SLC2A9: variants seen among roughly 807,000 people sequenced by gnomAD.
SLC2A9 encodes solute carrier family 2 member 9.
SLC2A9 carries 39 observed loss-of-function variants against 50.6 expected under a neutral mutation model. That is an observed-to-expected ratio of 0.77 (90% CI 0.60 to 1.01). The LOEUF is 1.01. SLC2A9 is among the 50% of genes least tolerant of loss of function. The pLI is 0.00. For synonymous variants in SLC2A9, 324 were observed against 276.9 expected, an observed-to-expected ratio of 1.17 and a Z score of -1.69; for missense variants, 686 against 677.6, an observed-to-expected ratio of 1.01 and a Z score of -0.14.
chr4:9,839,263 G>A (rs1208647747), intron 10 of SLC2A9, among the ~76,000 whole-genome samples: 1 of 152,124 alleles, frequency 6.6e-6, no homozygotes, highest in Non-Finnish European at 1.5e-5. Flanking sequence ...TTAGAGAAAT[G>A]TAAATCAAAA....
chr4:9,879,518 G>A (rs1734855758), intron 10 of SLC2A9: 10 of 985,174 alleles, frequency 1.0e-5, no homozygotes, highest in Non-Finnish European at 1.2e-5. Flanking sequence ...CATAGGTTCT[G>A]TCAAATGCTG....
chr4:9,870,616 T>A (rs530539233), intron 10 of SLC2A9, among the ~76,000 whole-genome samples: 40 of 152,310 alleles, frequency 2.6e-4, no homozygotes, highest in African/African-American at 9.6e-4. Context: ...CGCATTCAAG[T>A]TTCAGGCGAT....
intron 2 of SLC2A9, among the ~76,000 whole-genome samples, chr4:9,998,264 G>T (rs1297749288): frequency 2.6e-5 from 4 of 152,170 alleles, no homozygotes; most frequent in Middle Eastern, 3.2e-3. Context: ...GCAAACCTCA[G>T]CTGAGCCAGT....
At chr4:9,813,871 G>A (rs181158532) in intron 3 of SLC2A9, among the ~76,000 whole-genome samples, 2 of 152,096 alleles carry the variant, frequency 1.3e-5, no homozygotes, top group Non-Finnish European at 2.9e-5. Flanking sequence ...TGAGGCAGGT[G>A]GATCACTTGA....
At chr4:9,796,494 G>A (rs1720612293), downstream of SLC2A9, among the ~76,000 whole-genome samples, 1 of 152,232 alleles carries the variant, frequency 6.6e-6, no homozygotes. Flanking sequence ...ATGCAGTGCT[G>A]TAAGGATTAG....
chr4:9,890,722 G>T lies in SLC2A9; in HGVS notation c.1114-11C>A, dbSNP rs578175283. ...CTCAATGACCAAACCCTAGTCCAGG[G>T]TAAAAGAGAGAGAGAGAGCTATTAT... On this transcript the variant is annotated splice_polypyrimidine_tract_variant and intron_variant, in intron 8 of 11. Coordinates refer to ENST00000264784, the MANE Select transcript of SLC2A9 (RefSeq NM_020041.3). 1 of 1,607,146 alleles carries T rather than the reference G, an allele frequency of 6.2e-7. No individual in the cohort carries two copies. The highest frequency in any genetic ancestry group is 1.3e-5 in the African/African-American group (1 of 74,862).
chr4:9,952,801 C>T (rs1750555237), intron 5 of SLC2A9, among the ~76,000 whole-genome samples: 1 of 152,138 alleles, frequency 6.6e-6, no homozygotes, highest in South Asian at 2.1e-4. Context: ...CTGGGATTAC[C>T]GGCGTGAGTC....
intron 3 of SLC2A9, among the ~76,000 whole-genome samples, chr4:9,986,534 G>A (rs1302792911): frequency 1.3e-5 from 2 of 152,208 alleles, no homozygotes; most frequent in Admixed American, 6.5e-5. Flanking sequence ...TAAGTGTGGA[G>A]CTAGGAGACA....
At chr4:9,880,671 T>A (rs1735051144) in intron 10 of SLC2A9, 1 of 491,416 alleles carries the variant, frequency 2.0e-6, no homozygotes, top group South Asian at 8.7e-5. Context: ...AACTTTTCAC[T>A]CAGATACAAT....
chr4:9,868,855 G>C (rs1213471587), intron 10 of SLC2A9, among the ~76,000 whole-genome samples: 1 of 152,108 alleles, frequency 6.6e-6, no homozygotes, highest in Non-Finnish European at 1.5e-5. Context: ...ATTACATTTT[G>C]AGCAGTGGTG....
chr4:9,991,159 G>A (rs1472990931), intron 3 of SLC2A9, among the ~76,000 whole-genome samples: 1 of 152,134 alleles, frequency 6.6e-6, no homozygotes, highest in African/African-American at 2.4e-5. Context: ...ACTTGACCAG[G>A]GAGTGCAGCC....
At chr4:10,000,912 TCTC>T (rs1454566324) in intron 2 of SLC2A9, among the ~76,000 whole-genome samples, 1 of 152,142 alleles carries the variant, frequency 6.6e-6, no homozygotes, top group Non-Finnish European at 1.5e-5. Flanking sequence ...CTTGATCCAA[TCTC>T]CTCAACTAAT....
intron 3 of SLC2A9, among the ~76,000 whole-genome samples, chr4:9,791,453 C>T (rs1719906752): frequency 6.6e-6 from 1 of 152,148 alleles, no homozygotes; most frequent in Admixed American, 6.5e-5. Context: ...AGTCCCCACC[C>T]CAATGCCTGA....
chr4:9,810,191 C>T (rs1722695671), intron 3 of SLC2A9, among the ~76,000 whole-genome samples: 1 of 151,966 alleles, frequency 6.6e-6, no homozygotes, highest in Admixed American at 6.6e-5. Context: ...TCTTTACCAC[C>T]ATATGTCCAA....
intron 10 of SLC2A9, among the ~76,000 whole-genome samples, chr4:9,873,702 T>C (rs945840157): frequency 2.6e-5 from 4 of 152,158 alleles, no homozygotes; most frequent in Non-Finnish European, 5.9e-5. Context: ...TGGATGTAGA[T>C]AGGAGGAAAT....
chr4:9,903,662 A>C (rs1046677675), intron 8 of SLC2A9, among the ~76,000 whole-genome samples: 1 of 152,074 alleles, frequency 6.6e-6, no homozygotes, highest in Non-Finnish European at 1.5e-5. Flanking sequence ...TCAAAATCTC[A>C]TAAGAGGAAT....
chr4:10,033,420 A>G (rs551116182), intron 1 of SLC2A9, among the ~76,000 whole-genome samples: 7 of 152,246 alleles, frequency 4.6e-5, no homozygotes, highest in African/African-American at 1.7e-4. Flanking sequence ...GCTTCTGTGA[A>G]CACACTCAAC....
intron 5 of SLC2A9, among the ~76,000 whole-genome samples, chr4:9,955,602 T>C (rs1466771776): frequency 6.6e-6 from 1 of 152,106 alleles, no homozygotes; most frequent in Non-Finnish European, 1.5e-5. Flanking sequence ...CTTCCTTTCA[T>C]TCCTGCTGTA....
chr4:9,832,595 T>C (rs1393910781), intron 11 of SLC2A9, among the ~76,000 whole-genome samples: 1 of 152,158 alleles, frequency 6.6e-6, no homozygotes, highest in Non-Finnish European at 1.5e-5. Context: ...CAGAGGGGAT[T>C]TGTTTCGAAA....
Sources: allele counts gnomAD v4.1 joint callset (sites outside exome capture counted in the v4.1 genomes callset), GRCh38; gene constraint gnomAD v4.1.1; transcripts MANE v1.5; gene names NCBI Gene and HGNC (gene_info 2026-07-23, HGNC 2026-07-21).